The following RAB2A variants were observed in gnomAD, a reference collection of about 807,000 sequenced individuals.
RAB2A encodes the protein ras-related protein Rab-2A.
RAB2A carries 7 observed loss-of-function variants against 32.5 expected under a neutral mutation model. The ratio of observed to expected loss-of-function variants is 0.22; its 90% confidence interval spans 0.12 to 0.40. The LOEUF is 0.40. Among genes scored for constraint, RAB2A ranks in the 10% least tolerant of loss-of-function variants. The probability of loss-of-function intolerance (pLI) is 1.00; values close to 1 mark genes in which losing one functional copy is unlikely to be tolerated. For missense variants in RAB2A, 108 were observed against 260.7 expected (o/e 0.41, Z 4.03); for synonymous variants, 79 against 85.2 (o/e 0.93, Z 0.40).
rs189561158 is a variant in RAB2A, at chr8:60,599,820, A to G, written c.474+7851A>G. Among the ~76,000 whole-genome samples, 560 of 109,912 alleles carry G rather than the reference A, an allele frequency of 5.1e-3. 5 individuals carry two copies. The highest frequency in any genetic ancestry group is 0.017 in the African/African-American group (539 of 31,888). The allele number at this position is 109,912 out of a possible 152,430, so 72.1% of individuals were successfully genotyped here. On this transcript the variant is annotated intron_variant, in intron 6 of 7. Transcript: ENST00000262646. ...TATGAACATATTTATCTTTTAGGGG[A>G]AAAAAAAAGAAAAAGAAAAATTTCA...
At chr8:60,613,209 A>G (rs1454097435) in intron 6 of RAB2A, among the ~76,000 whole-genome samples, 16 of 152,068 alleles carry the variant, frequency 1.1e-4, no homozygotes, top group Admixed American at 9.2e-4. Context: ...ATTGATCACC[A>G]TTTCTCTCCT....
intron 6 of RAB2A, among the ~76,000 whole-genome samples, chr8:60,611,974 A>AT (rs542067335): frequency 1.5e-3 from 226 of 151,552 alleles, no homozygotes; most frequent in African/African-American, 3.2e-3. Context: ...ATAAACAACT[A>AT]TTTTTTTTTA....
rs544155597 is a variant in RAB2A, at chr8:60,590,589, T to C, written c.363-1269T>C. ...CATATATTTTAATATATGTATTTTA[T>C]ATATATATAATACATATATATATAA... On this transcript the variant is annotated intron_variant, in intron 5 of 7. Transcript: ENST00000262646. Among the ~76,000 whole-genome samples, 343 of 129,924 alleles carry C rather than the reference T, an allele frequency of 2.6e-3. 2 individuals are homozygous for C. The highest frequency in any genetic ancestry group is 8.2e-3 in the South Asian group (34 of 4,144). 85.2% of individuals were successfully genotyped at this position (129,924 alleles called of 152,430 possible).
chr8:60,519,317 C>T (rs1176826899), intron 1 of RAB2A, among the ~76,000 whole-genome samples: 5 of 151,922 alleles, frequency 3.3e-5, no homozygotes, highest in African/African-American at 7.3e-5. Flanking sequence ...CTACATTTCT[C>T]GCCTTCTTTC....
intron 5 of RAB2A, among the ~76,000 whole-genome samples, chr8:60,585,688 T>C (rs564033452): frequency 1.3e-4 from 20 of 152,328 alleles, no homozygotes; most frequent in Admixed American, 3.9e-4. Context: ...TCATGACTTA[T>C]ATGATAATGA....
intron 2 of RAB2A, among the ~76,000 whole-genome samples, chr8:60,564,630 T>A (rs774807604): frequency 9.2e-5 from 14 of 152,164 alleles, no homozygotes; most frequent in Non-Finnish European, 1.8e-4. Flanking sequence ...CCAAATAGTT[T>A]CTGATTTTTC....
intron 1 of RAB2A, among the ~76,000 whole-genome samples, chr8:60,530,362 T>A (rs1005426147): frequency 1.3e-5 from 2 of 152,004 alleles, no homozygotes; most frequent in African/African-American, 4.8e-5. Context: ...GCCAGGCTAG[T>A]TTCAAACTCC....
At chr8:60,542,375 C>T (rs1029133158) in intron 1 of RAB2A, among the ~76,000 whole-genome samples, 2 of 152,064 alleles carry the variant, frequency 1.3e-5, no homozygotes, top group East Asian at 1.9e-4. Flanking sequence ...ATTAGCCAGG[C>T]GTGGTGGCAT....
intron 4 of RAB2A, 34 bp from the exon 5 acceptor site, chr8:60,584,689 T>C: frequency 6.6e-7 from 1 of 1,522,112 alleles, no homozygotes; most frequent in East Asian, 2.3e-5. Flanking sequence ...GGAAATGCTT[T>C]GAACATAGTA....
At chr8:60,519,807 A>G (rs897340441) in intron 1 of RAB2A, among the ~76,000 whole-genome samples, 3 of 152,190 alleles carry the variant, frequency 2.0e-5, no homozygotes, top group Non-Finnish European at 4.4e-5. Flanking sequence ...TCCTGTTTGT[A>G]TATATTAATA....
At chr8:60,519,310 C>T (rs76612726) in intron 1 of RAB2A, among the ~76,000 whole-genome samples, 134 of 152,260 alleles carry the variant, frequency 8.8e-4, no homozygotes, top group African/African-American at 3.2e-3. Flanking sequence ...CCCCTATCTA[C>T]ATTTCTCGCC....
At chr8:60,611,618 T>C (rs567990044) in intron 6 of RAB2A, among the ~76,000 whole-genome samples, 1 of 152,370 alleles carries the variant, frequency 6.6e-6, no homozygotes, top group East Asian at 1.9e-4. Context: ...AGGAAATGCT[T>C]ATTAAATGGA....
At chr8:60,535,069 G>T (rs999488908) in intron 1 of RAB2A, among the ~76,000 whole-genome samples, 7 of 152,134 alleles carry the variant, frequency 4.6e-5, no homozygotes, top group Non-Finnish European at 7.3e-5. Flanking sequence ...TTATTAAAAA[G>T]TACTACTGAG....
At chr8:60,595,293 A>G (rs1804004588) in intron 6 of RAB2A, among the ~76,000 whole-genome samples, 1 of 152,236 alleles carries the variant, frequency 6.6e-6, no homozygotes, top group African/African-American at 2.4e-5. Flanking sequence ...TTATCAGTGT[A>G]TTCCACAATA....
In RAB2A at chr8:60,554,852, CA is replaced by C. The variant is rs577274037; in HGVS notation, c.47-3989del. On this transcript the variant is annotated intron_variant, in intron 1 of 7. Coordinates refer to ENST00000262646, the MANE Select transcript of RAB2A (RefSeq NM_002865.3). ...TGGGCGACAGAGCGAGACTCCGTCT[CA>C]AAAAAAAAAAGAAAGAAAAAAGAAA... is the stretch of plus-strand genomic sequence containing the variant. 4.0e-4 allele frequency among the ~76,000 whole-genome samples: 54 copies of C among 136,472 alleles called. 1 individual carries two copies. The highest frequency in any genetic ancestry group is 1.9e-3 in the East Asian group (9 of 4,790). The allele number at this position is 136,472 out of a possible 152,430, so 89.5% of individuals were successfully genotyped here.
intron 3 of RAB2A, among the ~76,000 whole-genome samples, chr8:60,575,679 C>T (rs12678742): frequency 0.41 from 53,231 of 129,078 alleles, 10,438 homozygotes; most frequent in Middle Eastern, 0.63. Flanking sequence ...TTTTTTGAGA[C>T]GGTGTTTCAC....
In RAB2A at chr8:60,580,145, C is replaced by T. The variant is rs150195371; in HGVS notation, c.187-4063C>T. Among the ~76,000 whole-genome samples, 718 of 151,668 alleles carry T rather than the reference C, an allele frequency of 4.7e-3. 7 individuals carry two copies. The highest frequency in any genetic ancestry group is 7.8e-3 in the Non-Finnish European group (532 of 67,906). Reference sequence around the variant, plus strand: ...CCAAGTAGCTGAGATTACAGGTGTGCGCCACCACACCCGGCTAATTTTTGT... The same window carrying T: ...CCAAGTAGCTGAGATTACAGGTGTGTGCCACCACACCCGGCTAATTTTTGT... On this transcript the variant is annotated intron_variant, in intron 3 of 7. Transcript: ENST00000262646.
intron 1 of RAB2A, among the ~76,000 whole-genome samples, chr8:60,556,384 T>C (rs1228409081): frequency 6.6e-6 from 1 of 152,134 alleles, no homozygotes; most frequent in Non-Finnish European, 1.5e-5. Flanking sequence ...TAACAAAAAA[T>C]GATAAATGTT....
At chr8:60,546,602 G>C (rs1456803668) in intron 1 of RAB2A, among the ~76,000 whole-genome samples, 1 of 151,830 alleles carries the variant, frequency 6.6e-6, no homozygotes. Flanking sequence ...TTTTGTCTTT[G>C]TTTGTTTAAT....
Sources: allele counts gnomAD v4.1 joint callset (sites outside exome capture counted in the v4.1 genomes callset), GRCh38; gene constraint gnomAD v4.1.1; transcripts MANE v1.5; gene names NCBI Gene and HGNC (gene_info 2026-07-23, HGNC 2026-07-21).